EPB41L4A: variants seen among roughly 807,000 people sequenced by gnomAD.
The protein encoded by EPB41L4A is erythrocyte membrane protein band 4.1 like 4A.
In EPB41L4A, 100 loss-of-function variants were observed where a neutral mutation model predicts 108.6. That is an observed-to-expected ratio of 0.92 (90% CI 0.78 to 1.09). The LOEUF is 1.09. Among genes scored for constraint, EPB41L4A ranks in the 50% least tolerant of loss-of-function variants. The probability of loss-of-function intolerance (pLI) is 0.00; values close to 1 mark genes in which losing one functional copy is unlikely to be tolerated. For missense variants in EPB41L4A, 1,030 were observed against 842.7 expected (o/e 1.22, Z -2.75); for synonymous variants, 319 against 289.0 (o/e 1.10, Z -1.05).
At chr5:112,375,624 A>G (rs1759771317) in intron 1 of EPB41L4A, among the ~76,000 whole-genome samples, 1 of 152,238 alleles carries the variant, frequency 6.6e-6, no homozygotes, top group Admixed American at 6.5e-5. Flanking sequence ...AACATGCTAA[A>G]TGAACTAAGA....
rs1751749045 is a variant in EPB41L4A, at chr5:112,264,923, GCTT to G, written c.524_526del (p.Glu175del). ...TAGAGTTTTATGAATCCTTTCTATGGCTTCTTCAAGTTCTTCCTTCTGATCAGG... is the reference window on the plus strand; with the variant it reads ...TAGAGTTTTATGAATCCTTTCTATGGCTTCAAGTTCTTCCTTCTGATCAGG... On this transcript the variant is annotated inframe_deletion, in exon 6 of 23. Transcript: ENST00000261486. 3 of 1,611,936 alleles carry G rather than the reference GCTT, an allele frequency of 1.9e-6. No individual in the cohort carries two copies. The East Asian group carries it at 6.7e-5, about 36-fold the overall frequency.
intron 2 of EPB41L4A, among the ~76,000 whole-genome samples, chr5:112,289,583 T>G (rs1160583841): frequency 6.6e-6 from 1 of 152,202 alleles, no homozygotes; most frequent in Non-Finnish European, 1.5e-5. Flanking sequence ...CTCCTTCTGG[T>G]ATCCTTCCCT....
intron 4 of EPB41L4A, among the ~76,000 whole-genome samples, chr5:112,266,891 G>C (rs994555958): frequency 6.6e-6 from 1 of 152,176 alleles, no homozygotes; most frequent in Non-Finnish European, 1.5e-5. Flanking sequence ...CTCATTCTAA[G>C]TAATTTATGT....
intron 18 of EPB41L4A, among the ~76,000 whole-genome samples, chr5:112,181,244 G>T (rs566886436): frequency 6.6e-6 from 1 of 151,886 alleles, no homozygotes; most frequent in Non-Finnish European, 1.5e-5. Flanking sequence ...GAGGTCAGGA[G>T]ATCGAGACCA....
chr5:112,400,044 C>T (rs1257569832), intron 1 of EPB41L4A, among the ~76,000 whole-genome samples: 1 of 152,158 alleles, frequency 6.6e-6, no homozygotes, highest in Non-Finnish European at 1.5e-5. Context: ...TAAAGAAGCA[C>T]TTGAGACTGG....
intron 1 of EPB41L4A, among the ~76,000 whole-genome samples, chr5:112,374,653 G>A (rs559578786): frequency 1.6e-4 from 24 of 152,236 alleles, no homozygotes; most frequent in African/African-American, 5.8e-4. Flanking sequence ...CACCACAAAC[G>A]TGTGCTTTCT....
intron 12 of EPB41L4A, among the ~76,000 whole-genome samples, chr5:112,153,247 C>T (rs551246356): frequency 4.0e-5 from 6 of 150,532 alleles, no homozygotes; most frequent in African/African-American, 7.3e-5. Flanking sequence ...AAAAAGAGGC[C>T]GGGCATGGTG....
At chr5:112,390,113 A>T (rs914880491) in intron 1 of EPB41L4A, among the ~76,000 whole-genome samples, 1 of 152,194 alleles carries the variant, frequency 6.6e-6, no homozygotes, top group East Asian at 1.9e-4. Context: ...TCTGGTCTGC[A>T]GCTCCCAGCG....
At chr5:112,391,990 T>C (rs973566470) in intron 1 of EPB41L4A, among the ~76,000 whole-genome samples, 6 of 152,082 alleles carry the variant, frequency 3.9e-5, no homozygotes, top group African/African-American at 1.2e-4. Flanking sequence ...TCATAAGTGA[T>C]AGAGAAATAA....
chr5:112,202,202 G>C (rs1227432519), intron 15 of EPB41L4A, among the ~76,000 whole-genome samples: 2 of 152,118 alleles, frequency 1.3e-5, no homozygotes, highest in African/African-American at 4.8e-5. Flanking sequence ...GGTATCTCCA[G>C]CAGTGTCAGC....
intron 9 of EPB41L4A, among the ~76,000 whole-genome samples, chr5:112,246,533 T>C (rs2150397942): frequency 6.6e-6 from 1 of 152,302 alleles, no homozygotes. Context: ...CTCTCCTTTT[T>C]GGTTCCTAAA....
At chr5:112,158,497 C>T (rs1238498802), downstream of EPB41L4A, 3 of 327,642 alleles carry the variant, frequency 9.2e-6, no homozygotes, top group Non-Finnish European at 1.8e-5. Flanking sequence ...ATGCTGGCTG[C>T]CCCAGTCCAA....
chr5:112,193,835 C>A (rs1328707864), intron 17 of EPB41L4A, among the ~76,000 whole-genome samples: 1 of 152,184 alleles, frequency 6.6e-6, no homozygotes, highest in Non-Finnish European at 1.5e-5. Context: ...CTGGACATTG[C>A]CAAATGTCCT....
chr5:112,367,949 G>A (rs1759240823), intron 1 of EPB41L4A, among the ~76,000 whole-genome samples: 2 of 152,250 alleles, frequency 1.3e-5, no homozygotes, highest in South Asian at 2.1e-4. Flanking sequence ...GAGCTACTAT[G>A]TTTACCTTAC....
chr5:112,354,259 T>TTA (rs1468974422), intron 1 of EPB41L4A, among the ~76,000 whole-genome samples: 2 of 152,154 alleles, frequency 1.3e-5, no homozygotes, highest in Admixed American at 6.5e-5. Flanking sequence ...TTGCTAAGGC[T>TTA]TATGACAGCT....
chr5:112,329,763 T>C (rs1335724359), intron 1 of EPB41L4A, among the ~76,000 whole-genome samples: 1 of 151,972 alleles, frequency 6.6e-6, no homozygotes, highest in Non-Finnish European at 1.5e-5. Flanking sequence ...TGGATCTGAG[T>C]ACACCTAAGC....
chr5:112,181,074 G>T (rs1286519594), intron 18 of EPB41L4A, among the ~76,000 whole-genome samples: 1 of 152,118 alleles, frequency 6.6e-6, no homozygotes, highest in African/African-American at 2.4e-5. Context: ...AAGAACTGGG[G>T]CAGAACAAGA....
At chr5:112,224,957 T>G (rs1323437420) in intron 12 of EPB41L4A, among the ~76,000 whole-genome samples, 2 of 152,214 alleles carry the variant, frequency 1.3e-5, no homozygotes, top group Non-Finnish European at 2.9e-5. Context: ...GTATGAAAAT[T>G]TATACTAACT....
At chr5:112,187,528 A>C (rs936334929) in intron 17 of EPB41L4A, among the ~76,000 whole-genome samples, 2 of 152,198 alleles carry the variant, frequency 1.3e-5, no homozygotes, top group African/African-American at 4.8e-5. Context: ...TGCATTTGAC[A>C]TTTAATTAAG....
Sources: allele counts gnomAD v4.1 joint callset (sites outside exome capture counted in the v4.1 genomes callset), GRCh38; gene constraint gnomAD v4.1.1; transcripts MANE v1.5; gene names NCBI Gene and HGNC (gene_info 2026-07-23, HGNC 2026-07-21).